PTPRQ: variants seen among roughly 807,000 people sequenced by gnomAD.
The protein encoded by PTPRQ is protein tyrosine phosphatase receptor type Q.
A neutral mutation model predicts 246.0 loss-of-function variants in PTPRQ; 199 were observed. The observed-to-expected ratio is 0.81, with a 90% CI of 0.72 to 0.91. The LOEUF (loss-of-function observed/expected upper bound fraction) is 0.91, where lower values mean the gene tolerates loss of function less well. Ranked by LOEUF, PTPRQ falls within the 40% of genes least tolerant of loss-of-function variation. The probability of loss-of-function intolerance (pLI) is 0.00; values close to 1 mark genes in which losing one functional copy is unlikely to be tolerated. For synonymous variants in PTPRQ, 869 were observed against 853.2 expected, an observed-to-expected ratio of 1.02 and a Z score of -0.32; for missense variants, 2,624 against 2,528.4, an observed-to-expected ratio of 1.04 and a Z score of -0.81.
intron 8 of PTPRQ, among the ~76,000 whole-genome samples, chr12:80,483,363 C>T (rs1216300116): frequency 8.5e-6 from 1 of 118,232 alleles, no homozygotes; most frequent in Non-Finnish European, 1.7e-5. Context: ...ACATCACACT[C>T]TGGGGCCTGT....
At chr12:80,651,372 GA>G (rs550219526) in intron 37 of PTPRQ, among the ~76,000 whole-genome samples, 2,093 of 152,052 alleles carry the variant, frequency 0.014, 50 homozygotes, top group African/African-American at 0.048. Context: ...ATATCAACCA[GA>G]AAAGAGTTTA....
At chr12:80,479,375 A>G (rs1294680378) in intron 8 of PTPRQ, among the ~76,000 whole-genome samples, 1 of 151,990 alleles carries the variant, frequency 6.6e-6, no homozygotes, top group African/African-American at 2.4e-5. Flanking sequence ...TCCTGAAGGA[A>G]GCACTAAACA....
At chr12:80,667,623 G>A (rs1900827897) in intron 39 of PTPRQ, among the ~76,000 whole-genome samples, 1 of 151,974 alleles carries the variant, frequency 6.6e-6, no homozygotes, top group South Asian at 2.1e-4. Flanking sequence ...ATAGTGCCTG[G>A]AATGTAATAG....
At chr12:80,580,408 A>G (rs903250973) in intron 25 of PTPRQ, among the ~76,000 whole-genome samples, 1 of 152,202 alleles carries the variant, frequency 6.6e-6, no homozygotes, top group Admixed American at 6.5e-5. Context: ...AATTAGTACC[A>G]TCTGTGGATA....
At chr12:80,665,945 C>A (rs1245179868) in intron 39 of PTPRQ, among the ~76,000 whole-genome samples, 2 of 151,926 alleles carry the variant, frequency 1.3e-5, no homozygotes, top group Admixed American at 6.6e-5. Flanking sequence ...AAAAAAATAA[C>A]AAATGCCAGC....
At chr12:80,590,887 G>T (rs900370652) in intron 26 of PTPRQ, among the ~76,000 whole-genome samples, 4 of 151,786 alleles carry the variant, frequency 2.6e-5, no homozygotes, top group African/African-American at 7.3e-5. Context: ...TTGCATCTTT[G>T]TATTCCCTGT....
At chr12:80,677,733 A>C (rs989662317) in intron 43 of PTPRQ, among the ~76,000 whole-genome samples, 2 of 152,212 alleles carry the variant, frequency 1.3e-5, no homozygotes, top group African/African-American at 4.8e-5. Flanking sequence ...GTTTTGAGGT[A>C]CAGTAGCAAT....
At chr12:80,511,604 C>T (rs933513648) in intron 17 of PTPRQ, among the ~76,000 whole-genome samples, 1 of 152,140 alleles carries the variant, frequency 6.6e-6, no homozygotes, top group African/African-American at 2.4e-5. Flanking sequence ...AGGAGGTCTA[C>T]TTTTGATGGG....
intron 39 of PTPRQ, among the ~76,000 whole-genome samples, chr12:80,661,450 C>A (rs528175451): frequency 2.7e-5 from 4 of 150,474 alleles, no homozygotes; most frequent in African/African-American, 7.3e-5. Flanking sequence ...AATTATCAAA[C>A]AATATAGAAT....
At position 80,679,037 on chromosome 12, in the gene PTPRQ, A is replaced by C. The variant is rs1386244920; in HGVS notation, c.*14A>C. ...ACCACTATGTAAATATTCAGACCAA[A>C]GGATACAATTGGAAGAGATTTTTAA... On this transcript the variant is annotated 3_prime_UTR_variant, in exon 45 of 45. Transcript: ENST00000644991. 1.3e-6 allele frequency: 2 copies of C among 1,544,216 alleles called. No homozygotes were observed. Among genetic ancestry groups the C allele is most frequent in the Admixed American group, 2.0e-5 (1 of 49,866 alleles).
At chr12:80,547,402 T>G (rs1472931828) in intron 24 of PTPRQ, among the ~76,000 whole-genome samples, 2 of 152,126 alleles carry the variant, frequency 1.3e-5, no homozygotes, top group Non-Finnish European at 2.9e-5. Flanking sequence ...GTTTATTGAA[T>G]GAGCAAAAGA....
intron 24 of PTPRQ, among the ~76,000 whole-genome samples, chr12:80,548,279 A>G (rs571093086): frequency 6.6e-6 from 1 of 152,180 alleles, no homozygotes; most frequent in South Asian, 2.1e-4. Flanking sequence ...AGGAAAATGG[A>G]TATTCACAAA....
At chr12:80,573,105 A>G (rs1370010860) in intron 25 of PTPRQ, among the ~76,000 whole-genome samples, 1 of 152,176 alleles carries the variant, frequency 6.6e-6, no homozygotes, top group Admixed American at 6.5e-5. Context: ...TAGTGAAACC[A>G]TCTGAACCTG....
At chr12:80,506,763 C>A in intron 16 of PTPRQ, 93 bp downstream of exon 16, 1 of 1,126,530 alleles carries the variant, frequency 8.9e-7, no homozygotes, top group Non-Finnish European at 1.2e-6. Flanking sequence ...CTCCTCTAGT[C>A]ATGGGTATCA....
chr12:80,613,611 C>A lies in PTPRQ; in HGVS notation c.4938C>A (p.Asn1646Lys). The change falls in exon 29 of 45, where the codon AAC becomes AAA. Residue 1646 changes from asparagine to lysine, a missense_variant. Physicochemically the swap from Asn to Lys is moderately conservative, Grantham distance 94 (BLOSUM62 0). Transcript: ENST00000644991. The stretch of plus-strand genomic sequence containing the variant: ...TTTTAGCCCCAAAGGACCCACCTAA[C>A]AACATGACATTTCAGAAGATACCAG... Reference protein sequence around the residue: ...TLESAPKDPPNNMTFQKIPDE... With the variant: ...TLESAPKDPPKNMTFQKIPDE... The A allele has an allele frequency of 6.5e-7, 1 of 1,542,336 alleles. No homozygotes were observed. Among genetic ancestry groups the A allele is most frequent in the African/African-American group, 1.4e-5 (1 of 72,416 alleles).
chr12:80,480,145 T>A (rs1027245697), intron 8 of PTPRQ, among the ~76,000 whole-genome samples: 1 of 152,040 alleles, frequency 6.6e-6, no homozygotes, highest in Non-Finnish European at 1.5e-5. Context: ...TCAGCAAATG[T>A]AAAAGAACAG....
At chr12:80,495,912 T>G in intron 12 of PTPRQ, 87 bp from the exon 13 acceptor site, 1 of 1,431,462 alleles carries the variant, frequency 7.0e-7, no homozygotes, top group Non-Finnish European at 9.3e-7. Context: ...CCCGTATAAA[T>G]TCTTCTTACT....
At chr12:80,657,048 A>G (rs1172063836) in intron 38 of PTPRQ, among the ~76,000 whole-genome samples, 1 of 151,916 alleles carries the variant, frequency 6.6e-6, no homozygotes, top group Non-Finnish European at 1.5e-5. Flanking sequence ...TGATTGCATA[A>G]CAATATAAAT....
chr12:80,621,332 G>T (rs1345342461), intron 32 of PTPRQ, among the ~76,000 whole-genome samples: 3 of 151,734 alleles, frequency 2.0e-5, no homozygotes, highest in Non-Finnish European at 2.9e-5. Context: ...TTGCATATTT[G>T]TTCCTGAAAC....
Sources: allele counts gnomAD v4.1 joint callset (sites outside exome capture counted in the v4.1 genomes callset), GRCh38; gene constraint gnomAD v4.1.1; transcripts MANE v1.5; gene names NCBI Gene and HGNC (gene_info 2026-07-23, HGNC 2026-07-21).